TBC1D30: variants seen among roughly 807,000 people sequenced by gnomAD.
TBC1D30 encodes TBC1 domain family, member 30.
In TBC1D30, 31 loss-of-function variants were observed where a neutral mutation model predicts 63.2. That is an observed-to-expected ratio of 0.49 (90% CI 0.37 to 0.66). The LOEUF (loss-of-function observed/expected upper bound fraction) is 0.66, where lower values mean the gene tolerates loss of function less well. Ranked by LOEUF, TBC1D30 falls within the 30% of genes least tolerant of loss-of-function variation. TBC1D30 has a pLI of 0.00. For synonymous variants in TBC1D30, 307 were observed against 361.5 expected (o/e 0.85, Z 1.71); for missense variants, 810 against 953.6 (o/e 0.85, Z 1.98).
rs994077772 is a variant in TBC1D30 at position 64,875,725 on chromosome 12, T to C, written c.2223T>C (p.Phe741=). 2.6e-6 allele frequency: 4 copies of C among 1,536,266 alleles called. No individual in the cohort carries two copies. The highest frequency in any genetic ancestry group is 3.5e-6 in the Non-Finnish European group (4 of 1,146,944). Residue 741 remains phenylalanine, a synonymous_variant, in exon 12 of 12, where the codon TTT becomes TTC. Coordinates refer to ENST00000539867, the MANE Select transcript of TBC1D30 (RefSeq NM_015279.2). ...GPTERTPTVH[F]PQMSRSFSKP... ...CAGAAAGAACCCCAACTGTGCACTT[T>C]CCTCAAATGAGTAGGAGCTTCAGCA...
chr12:64,825,073 G>T (rs905450293), intron 1 of TBC1D30, 40 bp downstream of exon 1: 1 of 1,509,406 alleles, frequency 6.6e-7, no homozygotes, highest in African/African-American at 1.4e-5. Flanking sequence ...CTGTAAAGTA[G>T]CGCCGGGGCT....
intron 1 of TBC1D30, among the ~76,000 whole-genome samples, chr12:64,761,556 C>T (rs746827534): frequency 2.0e-5 from 3 of 152,136 alleles, no homozygotes; most frequent in Non-Finnish European, 4.4e-5. Context: ...CCACCAAAAC[C>T]AAGATGGTGA....
At chr12:64,801,009 C>T (rs1256495857) in intron 2 of TBC1D30, among the ~76,000 whole-genome samples, 1 of 152,070 alleles carries the variant, frequency 6.6e-6, no homozygotes, top group Non-Finnish European at 1.5e-5. Context: ...GTTCTGTGCT[C>T]CTCGTACAGA....
At chr12:64,809,647 A>G (rs895426543) in intron 2 of TBC1D30, among the ~76,000 whole-genome samples, 2 of 152,086 alleles carry the variant, frequency 1.3e-5, no homozygotes, top group Admixed American at 6.5e-5. Context: ...ATTCTGAAAC[A>G]TTTTTCTCGA....
chr12:64,837,590 A>T (rs1057109658), intron 6 of TBC1D30, among the ~76,000 whole-genome samples: 3 of 152,106 alleles, frequency 2.0e-5, no homozygotes, highest in African/African-American at 7.2e-5. Flanking sequence ...GTAGTAAACA[A>T]TGGGGAGTGG....
At chr12:64,869,895 T>A (rs1050819189) in intron 10 of TBC1D30, among the ~76,000 whole-genome samples, 2 of 152,226 alleles carry the variant, frequency 1.3e-5, no homozygotes, top group African/African-American at 4.8e-5. Context: ...TTTTACAAAT[T>A]GTGCTGGAGA....
At chr12:64,821,580 C>T (rs949194736), upstream of TBC1D30, among the ~76,000 whole-genome samples, 5 of 152,130 alleles carry the variant, frequency 3.3e-5, no homozygotes, top group African/African-American at 1.2e-4. Flanking sequence ...CCTCTCCTGC[C>T]AGTTCCCTCT....
chr12:64,785,393 C>G (rs939030998), intron 1 of TBC1D30, among the ~76,000 whole-genome samples: 5 of 151,964 alleles, frequency 3.3e-5, no homozygotes, highest in African/African-American at 1.2e-4. Context: ...GGTAATCTGC[C>G]CTCCTTGGCC....
At chr12:64,872,712 CT>C (rs548399096) in intron 11 of TBC1D30, among the ~76,000 whole-genome samples, 31 of 152,322 alleles carry the variant, frequency 2.0e-4, no homozygotes, top group Non-Finnish European at 4.4e-4. Flanking sequence ...ATACCTGAGA[CT>C]AGGCAATTTA....
chr12:64,866,067 G>A (rs1322408673), intron 9 of TBC1D30, among the ~76,000 whole-genome samples: 5 of 152,028 alleles, frequency 3.3e-5, no homozygotes, highest in African/African-American at 1.2e-4. Flanking sequence ...ACAGAGTCTC[G>A]CTATGTTACC....
upstream of TBC1D30, among the ~76,000 whole-genome samples, chr12:64,777,063 C>T (rs537371866): frequency 1.3e-5 from 2 of 152,274 alleles, no homozygotes; most frequent in East Asian, 3.9e-4. Flanking sequence ...AACATCCATT[C>T]ATGTTAAAAA....
chr12:64,805,828 G>A (rs1384689921), intron 2 of TBC1D30, among the ~76,000 whole-genome samples: 1 of 151,950 alleles, frequency 6.6e-6, no homozygotes, highest in South Asian at 2.1e-4. Context: ...GTGAGACTCT[G>A]TCTCAAAAAA....
intron 1 of TBC1D30, among the ~76,000 whole-genome samples, chr12:64,785,050 C>T (rs949019627): frequency 1.3e-5 from 2 of 151,712 alleles, no homozygotes; most frequent in Admixed American, 6.6e-5. Context: ...ATATTCAAAA[C>T]AAAATCAGTA....
chr12:64,771,291 A>G (rs577497790), intron 1 of TBC1D30, among the ~76,000 whole-genome samples: 14 of 152,092 alleles, frequency 9.2e-5, no homozygotes, highest in Non-Finnish European at 1.9e-4. Flanking sequence ...AGGTCATGAC[A>G]TCTATAGCAG....
At chr12:64,837,313 C>CT (rs1388134797) in intron 6 of TBC1D30, among the ~76,000 whole-genome samples, 1 of 152,004 alleles carries the variant, frequency 6.6e-6, no homozygotes, top group Non-Finnish European at 1.5e-5. Context: ...TTATTGTGTA[C>CT]TTTATTTCTA....
intron 7 of TBC1D30, among the ~76,000 whole-genome samples, chr12:64,841,501 C>T (rs146294192): frequency 1.3e-5 from 2 of 152,324 alleles, no homozygotes; most frequent in East Asian, 3.9e-4. Context: ...ACAGCTGTTC[C>T]CTCACTCCCT....
chr12:64,838,618 A>T (rs962313619), intron 6 of TBC1D30, 65 bp from the exon 7 acceptor site: 1 of 1,458,642 alleles, frequency 6.9e-7, no homozygotes, highest in Non-Finnish European at 9.2e-7. Context: ...AGACTAGAAA[A>T]GGGTATCTGC....
intron 2 of TBC1D30, among the ~76,000 whole-genome samples, chr12:64,789,636 C>T (rs1366038638): frequency 1.3e-5 from 2 of 152,132 alleles, no homozygotes; most frequent in East Asian, 1.9e-4. Context: ...ATGGCTAGAT[C>T]ATTTTTATTT....
intron 1 of TBC1D30, among the ~76,000 whole-genome samples, chr12:64,764,696 A>G (rs943591163): frequency 7.2e-5 from 11 of 152,224 alleles, no homozygotes; most frequent in Non-Finnish European, 1.5e-5. Context: ...GACAGAGATC[A>G]AAGTTGAGGG....
Sources: gnomAD v4.1 joint callset for allele counts (sites outside exome capture counted in the v4.1 genomes callset) on GRCh38, gnomAD v4.1.1 for gene constraint, MANE v1.5 for transcripts, NCBI Gene and HGNC (gene_info 2026-07-23, HGNC 2026-07-21) for gene names.